The following DIS3L2 variants were observed in gnomAD, a reference collection of about 807,000 sequenced individuals.
The protein encoded by DIS3L2 is DIS3 like 3'-5' exoribonuclease 2, also known as DIS3-like exonuclease 2.
A neutral mutation model predicts 97.5 loss-of-function variants in DIS3L2; 34 were observed. That is an observed-to-expected ratio of 0.35 (90% CI 0.27 to 0.46). The LOEUF (loss-of-function observed/expected upper bound fraction) is 0.46, where lower values mean the gene tolerates loss of function less well. Ranked by LOEUF, DIS3L2 falls within the 20% of genes least tolerant of loss-of-function variation. The pLI, the probability that DIS3L2 is intolerant of heterozygous loss-of-function variation, is 1.00. For synonymous variants in DIS3L2, 435 were observed against 445.2 expected, an observed-to-expected ratio of 0.98 and a Z score of 0.29; for missense variants, 1,038 against 1,146.0, an observed-to-expected ratio of 0.91 and a Z score of 1.36.
At chr2:232,263,489 A>G in intron 13 of DIS3L2, 49 bp downstream of exon 13, 1 of 1,589,158 alleles carries the variant, frequency 6.3e-7, no homozygotes, top group Non-Finnish European at 8.6e-7. Context: ...CTCGTGCCTG[A>G]ACCCAGCGTG....
At chr2:232,075,976 T>C (rs1696173889) in intron 5 of DIS3L2, among the ~76,000 whole-genome samples, 4 of 152,230 alleles carry the variant, frequency 2.6e-5, no homozygotes, top group Admixed American at 2.6e-4. Flanking sequence ...AGAAACTGCT[T>C]TTCCAAGGTG....
intron 5 of DIS3L2, among the ~76,000 whole-genome samples, chr2:232,053,067 A>G (rs1162535268): frequency 6.6e-6 from 1 of 152,132 alleles, no homozygotes; most frequent in East Asian, 1.9e-4. Flanking sequence ...TTTCTTTTTC[A>G]TTCTTCATGT....
At chr2:232,323,375 T>C (rs1453671737) in intron 14 of DIS3L2, among the ~76,000 whole-genome samples, 2 of 152,240 alleles carry the variant, frequency 1.3e-5, no homozygotes, top group Non-Finnish European at 2.9e-5. Flanking sequence ...CGCTCCCCAT[T>C]ACGGCCACTG....
At chr2:232,334,331 C>T (rs754244324) in intron 17 of DIS3L2, 38 bp from the exon 18 acceptor site, 2 of 1,606,960 alleles carry the variant, frequency 1.2e-6, no homozygotes, top group Non-Finnish European at 1.7e-6. Flanking sequence ...TCCCAGCCCC[C>T]CAGGCTCCCA....
chr2:232,169,973 C>T (rs1169173877), intron 9 of DIS3L2, among the ~76,000 whole-genome samples: 1 of 152,152 alleles, frequency 6.6e-6, no homozygotes, highest in Non-Finnish European at 1.5e-5. Flanking sequence ...GCATGAACTC[C>T]TAGGGGCGAT....
intron 10 of DIS3L2, among the ~76,000 whole-genome samples, chr2:232,227,487 G>A (rs1023770082): frequency 1.3e-5 from 2 of 152,206 alleles, no homozygotes; most frequent in African/African-American, 2.4e-5. Context: ...TCAATATGCC[G>A]TTATTATGAG....
In DIS3L2 at chr2:232,336,914, G is replaced by A; in HGVS notation, c.*284G>A. 1.6e-6 allele frequency: 2 copies of A among 1,251,466 alleles called. No homozygotes were observed. Among genetic ancestry groups the A allele is most frequent in the East Asian group, 4.4e-5 (1 of 22,536 alleles). 77.5% of individuals were successfully genotyped at this position (1,251,466 alleles called of 1,614,324 possible). A position where few individuals can be genotyped will look rare whatever the true frequency, so the allele number is the denominator to read the frequency against. Reference sequence around the variant, plus strand: ...TTTCTGGGCCCTACTGCCCTCCTCTGCCCAGGAAATGGGGGGGTTTCAGCA... The same window carrying A: ...TTTCTGGGCCCTACTGCCCTCCTCTACCCAGGAAATGGGGGGGTTTCAGCA... On this transcript the variant is annotated 3_prime_UTR_variant, in exon 21 of 21. Transcript: ENST00000325385.
At chr2:232,070,492 A>G (rs907684383) in intron 5 of DIS3L2, among the ~76,000 whole-genome samples, 5 of 152,078 alleles carry the variant, frequency 3.3e-5, no homozygotes, top group African/African-American at 1.2e-4. Context: ...GCTGTGTTCT[A>G]TGAACTGGGT....
At chr2:232,238,711 T>C (rs113807239) in intron 11 of DIS3L2, 66 bp downstream of exon 11, 2 of 1,362,804 alleles carry the variant, frequency 1.5e-6, no homozygotes, top group African/African-American at 2.9e-5. Context: ...TGGAAGAGTG[T>C]GTGCTCTCTG....
intron 10 of DIS3L2, among the ~76,000 whole-genome samples, chr2:232,223,514 G>A (rs1692561067): frequency 6.6e-6 from 1 of 152,140 alleles, no homozygotes; most frequent in Admixed American, 6.5e-5. Context: ...ACACAACTTA[G>A]CTTTAAAAAT....
Position 232,320,913 on chromosome 2 carries a change from G to A in DIS3L2, c.1740-8900G>A, listed in dbSNP as rs540773250. ...CAGAGAAGGACAGTCTGGATTCACT[G>A]TTGAGATGTGGTTTAGAATCAGCCC... On this transcript the variant is annotated intron_variant, in intron 14 of 20. Coordinates refer to ENST00000325385, the MANE Select transcript of DIS3L2 (RefSeq NM_152383.5). 4.6e-5 allele frequency among the ~76,000 whole-genome samples: 7 copies of A among 152,292 alleles called. No homozygotes were observed. In the South Asian group the frequency reaches 8.3e-4, roughly 18 times the overall value.
intron 3 of DIS3L2, among the ~76,000 whole-genome samples, chr2:232,022,359 A>G (rs2106230489): frequency 6.6e-6 from 1 of 152,322 alleles, no homozygotes; most frequent in Admixed American, 6.5e-5. Context: ...GGGATAGAGA[A>G]TCAAGGGTAA....
intron 13 of DIS3L2, among the ~76,000 whole-genome samples, chr2:232,291,164 T>G (rs1280489672): frequency 7.9e-5 from 12 of 152,136 alleles, no homozygotes. Context: ...TGCCATAGAA[T>G]CGTCATTAAC....
chr2:232,117,711 CT>C (rs1043524005), intron 6 of DIS3L2, among the ~76,000 whole-genome samples: 2 of 152,216 alleles, frequency 1.3e-5, no homozygotes, highest in African/African-American at 2.4e-5. Context: ...CGTATTGTTC[CT>C]GAGCACTCCC....
At chr2:232,237,667 AGATG>A (rs978944901) in intron 10 of DIS3L2, among the ~76,000 whole-genome samples, 2 of 140,632 alleles carry the variant, frequency 1.4e-5, no homozygotes, top group African/African-American at 2.6e-5. Context: ...TTTACAGTGC[AGATG>A]GAGGAAATGG....
At chr2:232,102,502 TGG>T (rs1697232629) in intron 6 of DIS3L2, among the ~76,000 whole-genome samples, 1 of 152,150 alleles carries the variant, frequency 6.6e-6, no homozygotes, top group Admixed American at 6.5e-5. Context: ...CTAACATGGT[TGG>T]GGTGAAGTAT....
chr2:232,123,178 G>T (rs1697960340), intron 6 of DIS3L2, among the ~76,000 whole-genome samples: 1 of 152,104 alleles, frequency 6.6e-6, no homozygotes, highest in Admixed American at 6.5e-5. Context: ...TGGACGTGGA[G>T]TCAGACTGGG....
intron 9 of DIS3L2, among the ~76,000 whole-genome samples, chr2:232,188,675 G>A (rs1691517228): frequency 6.6e-6 from 1 of 152,190 alleles, no homozygotes; most frequent in Non-Finnish European, 1.5e-5. Flanking sequence ...TAGAGAAAGA[G>A]TTCTTAGACT....
intron 6 of DIS3L2, among the ~76,000 whole-genome samples, chr2:232,090,496 G>A (rs529705585): frequency 2.0e-5 from 3 of 152,156 alleles, no homozygotes; most frequent in South Asian, 2.1e-4. Flanking sequence ...TAGGAAAATT[G>A]CAATTTGCTC....
Sources: allele counts gnomAD v4.1 joint callset (sites outside exome capture counted in the v4.1 genomes callset), GRCh38; gene constraint gnomAD v4.1.1; transcripts MANE v1.5; gene names NCBI Gene and HGNC (gene_info 2026-07-23, HGNC 2026-07-21).